PDZRN4: variants seen among roughly 807,000 people sequenced by gnomAD.
PDZRN4 encodes PDZ domain containing ring finger 4.
PDZRN4 carries 70 observed loss-of-function variants against 99.0 expected under a neutral mutation model. The ratio of observed to expected loss-of-function variants is 0.71; its 90% CI spans 0.58 to 0.86. The LOEUF (loss-of-function observed/expected upper bound fraction) is 0.86, where lower values mean the gene tolerates loss of function less well. Ranked by LOEUF, PDZRN4 falls within the 40% of genes least tolerant of loss-of-function variation. The pLI is 0.00. For synonymous variants in PDZRN4, 551 were observed against 501.6 expected, an observed-to-expected ratio of 1.10 and a Z score of -1.32; for missense variants, 1,474 against 1,331.2, an observed-to-expected ratio of 1.11 and a Z score of -1.67.
intron 5 of PDZRN4, among the ~76,000 whole-genome samples, chr12:41,522,640 T>C (rs554350424): frequency 1.3e-5 from 2 of 152,262 alleles, no homozygotes; most frequent in South Asian, 4.1e-4. Flanking sequence ...TCTTTATGTC[T>C]GCCAAAAGAA....
rs1035302194 is a variant in PDZRN4, at chr12:41,252,053, A to T, written c.843+57865A>T. On this transcript the variant is annotated intron_variant, in intron 3 of 9. Coordinates refer to ENST00000402685, the MANE Select transcript of PDZRN4 (RefSeq NM_001164595.2). ...ATTGATTGAGCCCAGGAGATAGAGG[A>T]TGCAGTAAGCCATCATCAAGCCACT... 4.6e-5 allele frequency among the ~76,000 whole-genome samples: 7 copies of T among 152,204 alleles called. No homozygotes were observed. In the South Asian group the frequency reaches 1.5e-3, roughly 32 times the overall value.
intron 3 of PDZRN4, among the ~76,000 whole-genome samples, chr12:41,390,932 A>G (rs922173854): frequency 2.0e-5 from 3 of 152,204 alleles, no homozygotes; most frequent in African/African-American, 7.2e-5. Flanking sequence ...TGATTCTATC[A>G]TGAACAATAA....
At chr12:41,569,986 T>A (rs1037694152) in intron 9 of PDZRN4, among the ~76,000 whole-genome samples, 1 of 151,876 alleles carries the variant, frequency 6.6e-6, no homozygotes, top group Non-Finnish European at 1.5e-5. Flanking sequence ...CCAGGCTTTT[T>A]TTTTCTTAGA....
chr12:41,424,618 C>G (rs1952519907), intron 3 of PDZRN4, among the ~76,000 whole-genome samples: 1 of 150,652 alleles, frequency 6.6e-6, no homozygotes, highest in African/African-American at 2.5e-5. Context: ...GAAGTGTTTA[C>G]TTTGAGTCTT....
intron 3 of PDZRN4, among the ~76,000 whole-genome samples, chr12:41,463,662 G>A (rs983239500): frequency 6.6e-5 from 10 of 152,032 alleles, no homozygotes; most frequent in Non-Finnish European, 1.5e-4. Context: ...TCTATATTTA[G>A]CATGTAACTC....
intron 3 of PDZRN4, among the ~76,000 whole-genome samples, chr12:41,420,056 T>G (rs373252481): frequency 6.6e-6 from 1 of 152,192 alleles, no homozygotes; most frequent in African/African-American, 2.4e-5. Context: ...ATTTTTTGTT[T>G]TAGTTTAAGC....
At chr12:41,533,653 A>T (rs1938701503) in intron 5 of PDZRN4, among the ~76,000 whole-genome samples, 2 of 152,028 alleles carry the variant, frequency 1.3e-5, no homozygotes, top group Non-Finnish European at 2.9e-5. Flanking sequence ...TTTTCTTCTA[A>T]CTTCCTGAAG....
intron 3 of PDZRN4, among the ~76,000 whole-genome samples, chr12:41,434,478 A>G (rs1219181693): frequency 1.3e-5 from 2 of 152,150 alleles, no homozygotes; most frequent in Non-Finnish European, 2.9e-5. Flanking sequence ...CTATCATTTA[A>G]TCTTCAATTA....
intron 3 of PDZRN4, among the ~76,000 whole-genome samples, chr12:41,425,469 G>A (rs1002832736): frequency 6.6e-6 from 1 of 151,970 alleles, no homozygotes; most frequent in African/African-American, 2.4e-5. Context: ...TTTCTTACAA[G>A]TAATGTTCTG....
intron 3 of PDZRN4, among the ~76,000 whole-genome samples, chr12:41,387,161 A>G (rs980597376): frequency 1.3e-5 from 2 of 152,216 alleles, no homozygotes; most frequent in African/African-American, 4.8e-5. Flanking sequence ...AGCAAAATGA[A>G]CTATCAACAG....
intron 3 of PDZRN4, among the ~76,000 whole-genome samples, chr12:41,394,540 C>A (rs1952232654): frequency 6.6e-6 from 1 of 152,106 alleles, no homozygotes; most frequent in Non-Finnish European, 1.5e-5. Flanking sequence ...AGGAATCCAG[C>A]AACATCTTAG....
At chr12:41,208,022 C>G (rs1019239571) in intron 3 of PDZRN4, among the ~76,000 whole-genome samples, 1 of 151,516 alleles carries the variant, frequency 6.6e-6, no homozygotes, top group Non-Finnish European at 1.5e-5. Flanking sequence ...TTTGTAATAG[C>G]TTTCATTATT....
At chr12:41,339,137 A>AC (rs1565556023) in intron 3 of PDZRN4, among the ~76,000 whole-genome samples, 2 of 151,824 alleles carry the variant, frequency 1.3e-5, no homozygotes, top group East Asian at 3.9e-4. Flanking sequence ...AAAAAAAAAA[A>AC]CAAAATGGGA....
At chr12:41,422,531 A>G (rs1013783640) in intron 3 of PDZRN4, among the ~76,000 whole-genome samples, 5 of 152,176 alleles carry the variant, frequency 3.3e-5, no homozygotes, top group East Asian at 1.9e-4. Flanking sequence ...AGGCCTCAGG[A>G]GACTTACAAT....
chr12:41,551,866 A>G (rs1939062942), intron 5 of PDZRN4, among the ~76,000 whole-genome samples: 1 of 152,230 alleles, frequency 6.6e-6, no homozygotes, highest in African/African-American at 2.4e-5. Flanking sequence ...AGTCCATTTC[A>G]TTATATAAAA....
chr12:41,371,857 G>A (rs537364898), intron 3 of PDZRN4, among the ~76,000 whole-genome samples: 21 of 152,028 alleles, frequency 1.4e-4, no homozygotes, highest in Non-Finnish European at 2.6e-4. Context: ...GAGATATGCC[G>A]TCAATGTTCA....
chr12:41,219,187 G>T (rs1403959559), intron 3 of PDZRN4, among the ~76,000 whole-genome samples: 1 of 151,948 alleles, frequency 6.6e-6, no homozygotes. Flanking sequence ...GGTTTTTCAC[G>T]CTGTGATGAA....
chr12:41,369,778 G>A (rs552824827), intron 3 of PDZRN4, among the ~76,000 whole-genome samples: 2 of 151,858 alleles, frequency 1.3e-5, no homozygotes, highest in South Asian at 2.1e-4. Flanking sequence ...TTATTAAAAG[G>A]AATTATTGTC....
intron 3 of PDZRN4, among the ~76,000 whole-genome samples, chr12:41,226,817 C>T (rs895489018): frequency 6.6e-6 from 1 of 152,088 alleles, no homozygotes; most frequent in Non-Finnish European, 1.5e-5. Context: ...TAATCAGTGG[C>T]CAGATATCAT....
Sources: gnomAD v4.1 joint callset for allele counts (sites outside exome capture counted in the v4.1 genomes callset) on GRCh38, gnomAD v4.1.1 for gene constraint, MANE v1.5 for transcripts, NCBI Gene and HGNC (gene_info 2026-07-23, HGNC 2026-07-21) for gene names.